Variants in VPS8 observed in about 807,000 individuals in gnomAD.
VPS8 encodes vacuolar protein sorting-associated protein 8 homolog.
VPS8 carries 129 observed loss-of-function variants against 216.4 expected under a neutral mutation model. The observed-to-expected ratio is 0.60, with a 90% CI of 0.52 to 0.69. The LOEUF is 0.69. Among genes scored for constraint, VPS8 ranks in the 30% least tolerant of loss-of-function variants. VPS8 has a pLI of 0.00. For missense variants in VPS8, 1,531 were observed against 1,683.5 expected (o/e 0.91, Z 1.59); for synonymous variants, 571 against 565.4 (o/e 1.01, Z -0.14).
chr3:184,945,356 G>A (rs943476046), intron 36 of VPS8, among the ~76,000 whole-genome samples: 1 of 151,730 alleles, frequency 6.6e-6, no homozygotes, highest in African/African-American at 2.4e-5. Context: ...CCAAGCACTT[G>A]ACAGGCATGG....
At chr3:185,051,361 G>A (rs928312639) in intron 47 of VPS8, among the ~76,000 whole-genome samples, 5 of 152,138 alleles carry the variant, frequency 3.3e-5, no homozygotes, top group African/African-American at 1.2e-4. Context: ...CTGAGTTTGA[G>A]TTGGCAGCTG....
At chr3:184,814,801 AT>A (rs1482013481) in intron 1 of VPS8, among the ~76,000 whole-genome samples, 4 of 152,048 alleles carry the variant, frequency 2.6e-5, no homozygotes, top group Admixed American at 2.6e-4. Context: ...TTTATTAAAA[AT>A]TTTTTCTTTC....
At chr3:184,971,268 A>G (rs1371018618) in intron 39 of VPS8, among the ~76,000 whole-genome samples, 2 of 152,226 alleles carry the variant, frequency 1.3e-5, no homozygotes, top group African/African-American at 2.4e-5. Context: ...AGAGACCTAA[A>G]ATAGCATCTT....
intron 1 of VPS8, chr3:184,812,864 C>T (rs1715455292): frequency 6.6e-6 from 1 of 152,234 alleles, no homozygotes; most frequent in South Asian, 2.1e-4. Flanking sequence ...ATCAAGGTGC[C>T]TGAGCCTGAG....
chr3:184,966,764 T>C (rs1366336450), intron 39 of VPS8, 51 bp downstream of exon 39: 2 of 1,333,256 alleles, frequency 1.5e-6, no homozygotes, highest in African/African-American at 2.9e-5. Flanking sequence ...ACCCCATGTT[T>C]TAAAAGATGT....
In VPS8 at chr3:184,964,537, GC is replaced by G; in HGVS notation, c.3255del (p.Phe1086SerfsTer2). 6.6e-7 allele frequency: 1 copy of G among 1,516,738 alleles called. No individual in the cohort carries two copies. Among genetic ancestry groups the G allele is most frequent in the Non-Finnish European group, 8.9e-7 (1 of 1,126,448 alleles). The allele number at this position is 1,516,738 out of a possible 1,614,324, so 94.0% of individuals were successfully genotyped here. ...GGAAAAGAAAGGAGATATTCATGGT[GC>G]CTTCCTAATAATGTTAGAGGTAACA... is the stretch of plus-strand genomic sequence containing the variant. ...LLEKKGDIHG[A>X]FLIMLERLQS... On this transcript the variant is annotated frameshift_variant, in exon 38 of 48. Transcript: ENST00000625842. LOFTEE classifies it high-confidence loss of function.
intron 38 of VPS8, 67 bp downstream of exon 38, chr3:184,964,624 T>C: frequency 1.9e-6 from 2 of 1,058,448 alleles, no homozygotes; most frequent in East Asian, 5.9e-5. Flanking sequence ...TGAATCCATC[T>C]TAATTATGTT....
intron 42 of VPS8, among the ~76,000 whole-genome samples, chr3:184,985,003 C>A (rs1339634409): frequency 1.3e-5 from 2 of 151,948 alleles, no homozygotes; most frequent in Non-Finnish European, 2.9e-5. Flanking sequence ...ATAATTTTTT[C>A]TTATCATTTT....
At chr3:185,011,047 G>A (rs1038937923) in intron 45 of VPS8, among the ~76,000 whole-genome samples, 1 of 149,386 alleles carries the variant, frequency 6.7e-6, no homozygotes, top group African/African-American at 2.5e-5. Flanking sequence ...GTGAACTATG[G>A]AACAACTTCA....
intron 46 of VPS8, among the ~76,000 whole-genome samples, chr3:185,045,743 G>GGTGC (rs142517718): frequency 0.27 from 39,897 of 148,650 alleles, 6,397 homozygotes; most frequent in East Asian, 0.62. Context: ...CTCCAGCCTG[G>GGTGC]GTGACAGAGC....
At chr3:184,984,120 T>C (rs1750659326) in intron 42 of VPS8, among the ~76,000 whole-genome samples, 2 of 121,120 alleles carry the variant, frequency 1.7e-5, no homozygotes, top group Non-Finnish European at 1.6e-5. Context: ...GGAGGCAGAG[T>C]TTGCAGTGAG....
intron 36 of VPS8, among the ~76,000 whole-genome samples, chr3:184,953,147 T>C (rs747689942): frequency 7.2e-5 from 11 of 152,102 alleles, no homozygotes; most frequent in African/African-American, 1.4e-4. Flanking sequence ...AACACCCACA[T>C]TGAGGTTTGC....
intron 3 of VPS8, among the ~76,000 whole-genome samples, chr3:184,831,580 A>G (rs74882683): frequency 0.055 from 8,311 of 152,162 alleles, 745 homozygotes; most frequent in African/African-American, 0.19. Flanking sequence ...ATCCTGCTTT[A>G]TCTGCCATTT....
chr3:185,046,304 G>A (rs149036467), intron 46 of VPS8, among the ~76,000 whole-genome samples: 4 of 152,268 alleles, frequency 2.6e-5, no homozygotes, highest in Middle Eastern at 3.4e-3. Context: ...TATCTTCAGG[G>A]CTGCCATGTA....
At chr3:184,867,956 G>T in intron 17 of VPS8, 68 bp from the exon 18 acceptor site, 7 of 1,542,032 alleles carry the variant, frequency 4.5e-6, no homozygotes, top group Non-Finnish European at 6.2e-6. Flanking sequence ...GTGGGACTAG[G>T]ACAAATGTAT....
chr3:184,839,930 G>A, intron 7 of VPS8, 178 bp downstream of exon 7: 1 of 1,355,246 alleles, frequency 7.4e-7, no homozygotes, highest in South Asian at 1.8e-5. Context: ...GCTTTGTTTT[G>A]CTGCTTATTG....
At chr3:184,883,332 T>C (rs1730600806) in intron 21 of VPS8, among the ~76,000 whole-genome samples, 2 of 152,214 alleles carry the variant, frequency 1.3e-5, no homozygotes, top group Admixed American at 1.3e-4. Context: ...AACCCAGATG[T>C]TTCAGATTAC....
chr3:184,875,291 TAG>T (rs1490989793), intron 21 of VPS8, among the ~76,000 whole-genome samples: 1 of 152,072 alleles, frequency 6.6e-6, no homozygotes, highest in East Asian at 1.9e-4. Flanking sequence ...ACCTTTTCCT[TAG>T]AGTCAGAATA....
chr3:184,905,112 CT>C lies in VPS8; in HGVS notation c.2146+4146del, dbSNP rs200237431. Among the ~76,000 whole-genome samples the C allele has an allele frequency of 4.7e-3, 710 of 152,212 alleles. 10 individuals are homozygous for C. Among genetic ancestry groups the C allele is most frequent in the African/African-American group, 0.016 (683 of 41,512 alleles). ...AAGAGTGAACCCAGTCCATCAAGCC[CT>C]TTTTTACTACAGCATTAATCCATTC... On this transcript the variant is annotated intron_variant, in intron 25 of 47. Coordinates refer to ENST00000625842, the MANE Select transcript of VPS8 (RefSeq NM_001009921.3).
Sources: gnomAD v4.1 joint callset for allele counts (sites outside exome capture counted in the v4.1 genomes callset) on GRCh38, gnomAD v4.1.1 for gene constraint, MANE v1.5 for transcripts, NCBI Gene and HGNC (gene_info 2026-07-23, HGNC 2026-07-21) for gene names.